CIAO2A: variants seen among roughly 807,000 people sequenced by gnomAD.
CIAO2A encodes MIP18 family protein FAM96A.
Under a neutral mutation model 22.4 loss-of-function variants are expected in CIAO2A, and 17 were observed. The ratio of observed to expected loss-of-function variants is 0.76; its 90% CI spans 0.52 to 1.14. CIAO2A has a LOEUF of 1.14. Among genes scored for constraint, CIAO2A ranks in the 50% most tolerant of loss-of-function variants. CIAO2A has a pLI of 0.00. For missense variants in CIAO2A, 192 were observed against 191.4 expected (o/e 1.00, Z -0.02); for synonymous variants, 74 against 72.3 (o/e 1.02, Z -0.12).
chr15:64,073,377 A>C (rs1168300764), intron 4 of CIAO2A, among the ~76,000 whole-genome samples: 1 of 152,202 alleles, frequency 6.6e-6, no homozygotes, highest in Non-Finnish European at 1.5e-5. Flanking sequence ...TAAAAGTCTT[A>C]AGTGTTCTAA....
intron 2 of CIAO2A, among the ~76,000 whole-genome samples, chr15:64,087,707 A>G (rs932247185): frequency 2.6e-5 from 4 of 152,048 alleles, no homozygotes; most frequent in Non-Finnish European, 2.9e-5. Context: ...AATCTTTTTT[A>G]TAAACTTGTT....
chr15:64,093,530 C>CAA, intron 1 of CIAO2A, 115 bp downstream of exon 1: 1 of 1,269,428 alleles, frequency 7.9e-7, no homozygotes, highest in African/African-American at 1.5e-5. Context: ...AACAAACAAA[C>CAA]AAACAAAAAA....
rs2080710495 is a variant in CIAO2A at position 64,075,512 on chromosome 15, G to A, written c.365C>T (p.Thr122Ile). 1 of 1,585,822 alleles carries A rather than the reference G, an allele frequency of 6.3e-7. No homozygotes were observed. The highest frequency in any genetic ancestry group is 2.3e-5 in the East Asian group (1 of 44,036). Residue 122 changes from threonine (T) to isoleucine (I), a missense_variant, in exon 4 of 5, where the codon ACC (threonine) becomes ATC (isoleucine). By Grantham distance (89) the Thr-to-Ile change is moderately conservative (BLOSUM62 -1). Transcript: ENST00000300030. ...HKLEIYISEG[T>I]HSTEEDINKQ... ...CTTACTGTCTTCTTCTGTTGAGTGG[G>A]TTCCTTCAGAAATGTAGATTTCCAA...
intron 2 of CIAO2A, among the ~76,000 whole-genome samples, chr15:64,084,111 T>C (rs2080776421): frequency 6.6e-6 from 1 of 152,224 alleles, no homozygotes; most frequent in Admixed American, 6.5e-5. Context: ...TTTTATTTCA[T>C]GCACTCTCCT....
chr15:64,081,969 A>G (rs773129179), intron 2 of CIAO2A, among the ~76,000 whole-genome samples: 1 of 152,242 alleles, frequency 6.6e-6, no homozygotes, highest in Non-Finnish European at 1.5e-5. Flanking sequence ...GCAAGGTACA[A>G]ATACAGTAAC....
intron 2 of CIAO2A, among the ~76,000 whole-genome samples, chr15:64,082,343 C>A (rs899497290): frequency 1.3e-5 from 2 of 152,146 alleles, no homozygotes; most frequent in Non-Finnish European, 2.9e-5. Flanking sequence ...ATTCTCCTGT[C>A]TCGGCCTCCT....
chr15:64,093,452 C>A (rs542477144), intron 1 of CIAO2A, among the ~76,000 whole-genome samples, 193 bp downstream of exon 1: 2 of 151,990 alleles, frequency 1.3e-5, no homozygotes, highest in African/African-American at 2.4e-5. Context: ...AAGACCCACA[C>A]CCCCCACGTG....
At chr15:64,082,205 T>A (rs1022313116) in intron 2 of CIAO2A, among the ~76,000 whole-genome samples, 64 of 152,220 alleles carry the variant, frequency 4.2e-4, no homozygotes, top group African/African-American at 1.5e-3. Flanking sequence ...TATAATGAGG[T>A]GGTGCCTGCC....
intron 1 of CIAO2A, among the ~76,000 whole-genome samples, 180 bp from the exon 2 acceptor site, chr15:64,089,031 G>C (rs939906730): frequency 6.6e-6 from 1 of 152,042 alleles, no homozygotes; most frequent in Non-Finnish European, 1.5e-5. Flanking sequence ...CTGTTTTCTT[G>C]GATTATTATA....
intron 1 of CIAO2A, among the ~76,000 whole-genome samples, 185 bp from the exon 2 acceptor site, chr15:64,089,036 A>C (rs1309633529): frequency 1.3e-5 from 2 of 152,190 alleles, no homozygotes; most frequent in Non-Finnish European, 2.9e-5. Flanking sequence ...TTCTTGGATT[A>C]TTATAAGACC....
At chr15:64,085,398 T>C (rs1389447452) in intron 2 of CIAO2A, among the ~76,000 whole-genome samples, 1 of 152,122 alleles carries the variant, frequency 6.6e-6, no homozygotes, top group Non-Finnish European at 1.5e-5. Context: ...TTCAGGAGAC[T>C]GAGGTGGGAG....
intron 3 of CIAO2A, among the ~76,000 whole-genome samples, chr15:64,080,240 T>C (rs927579569): frequency 2.7e-5 from 4 of 149,582 alleles, no homozygotes; most frequent in African/African-American, 9.9e-5. Context: ...AAAAAAAAAT[T>C]AGCCGGGAAT....
At position 64,093,720 on chromosome 15, in the gene CIAO2A, AC is replaced by A. The variant is rs1301443159; in HGVS notation, c.48del (p.Trp17GlyfsTer22). 1 of 1,613,900 alleles carries A rather than the reference AC, an allele frequency of 6.2e-7. No individual in the cohort carries two copies. Among genetic ancestry groups the A allele is most frequent in the Non-Finnish European group, 8.5e-7 (1 of 1,179,950 alleles). On this transcript the variant is annotated frameshift_variant, in exon 1 of 5. Coordinates refer to ENST00000300030, the MANE Select transcript of CIAO2A (RefSeq NM_032231.7). LOFTEE classifies it high-confidence loss of function. ...CCCGGCTCAGAGAGGCCGGAGAGCC[AC>A]AGGACTCTGCTCAGCGTCCAGGAGA... ...GLLSWTLSRV[L>X]WLSGLSEPGA...
At chr15:64,073,160 C>A in intron 4 of CIAO2A, 132 bp from the exon 5 acceptor site, 2 of 564,686 alleles carry the variant, frequency 3.5e-6, no homozygotes, top group Non-Finnish European at 6.2e-6. Flanking sequence ...GCTAATTACT[C>A]ATAATGTAAT....
chr15:64,078,639 C>CAAAAAAAAAAAAAAAAAAAAA (rs56266808), intron 3 of CIAO2A, among the ~76,000 whole-genome samples: 2 of 129,152 alleles, frequency 1.5e-5, no homozygotes, highest in African/African-American at 5.9e-5. Context: ...CCATCGCAAA[C>CAAAAAAAAAAAAAAAAAAAAA]AAAAAAAAAA....
intron 2 of CIAO2A, among the ~76,000 whole-genome samples, 193 bp downstream of exon 2, chr15:64,088,494 T>A (rs951338023): frequency 6.6e-6 from 1 of 152,156 alleles, no homozygotes; most frequent in Non-Finnish European, 1.5e-5. Context: ...ATGAAGATAA[T>A]AATATTTTAA....
Position 64,093,822 on chromosome 15 carries a change from C to A in CIAO2A, c.-54G>T, listed in dbSNP as rs2080866885. 3.8e-6 allele frequency: 6 copies of A among 1,593,282 alleles called. No individual in the cohort carries two copies. Among genetic ancestry groups the A allele is most frequent in the Admixed American group, 3.4e-5 (2 of 58,604 alleles). ...TCCCAATCGCGCCACCGTCTCTCAG[C>A]AGCCTCGGGATTGATCAACTTCCTG... is the stretch of plus-strand genomic sequence containing the variant. On this transcript the variant is annotated 5_prime_UTR_variant, in exon 1 of 5. Transcript: ENST00000300030.
intron 2 of CIAO2A, 50 bp downstream of exon 2, chr15:64,088,637 G>T (rs1725225958): frequency 1.4e-6 from 2 of 1,422,524 alleles, no homozygotes; most frequent in Non-Finnish European, 1.9e-6. Context: ...ATATCAGCAA[G>T]AATAACTTAG....
At chr15:64,078,108 T>C (rs757411281) in intron 3 of CIAO2A, among the ~76,000 whole-genome samples, 1 of 152,232 alleles carries the variant, frequency 6.6e-6, no homozygotes, top group South Asian at 2.1e-4. Context: ...CTTTGTACTA[T>C]TCTTCACTAT....
Sources: gnomAD v4.1 joint callset for allele counts (sites outside exome capture counted in the v4.1 genomes callset) on GRCh38, gnomAD v4.1.1 for gene constraint, MANE v1.5 for transcripts, NCBI Gene and HGNC (gene_info 2026-07-23, HGNC 2026-07-21) for gene names.